Variants in SEC14L5 observed in about 807,000 individuals in gnomAD.
SEC14L5 encodes SEC14-like protein 5.
A neutral mutation model predicts 84.6 loss-of-function variants in SEC14L5; 96 were observed. The ratio of observed to expected loss-of-function variants is 1.13; its 90% CI spans 0.96 to 1.34. The LOEUF (loss-of-function observed/expected upper bound fraction) is 1.34, where lower values mean the gene tolerates loss of function less well. Among genes scored for constraint, SEC14L5 ranks in the 40% most tolerant of loss-of-function variants. SEC14L5 has a pLI of 0.00. For missense variants in SEC14L5, 1,224 were observed against 942.5 expected (o/e 1.30, Z -3.91); for synonymous variants, 546 against 383.4 (o/e 1.42, Z -4.95).
chr16:4,972,264 A>G (rs943512453), intron 2 of SEC14L5, among the ~76,000 whole-genome samples: 2 of 152,064 alleles, frequency 1.3e-5, no homozygotes, highest in Non-Finnish European at 2.9e-5. Flanking sequence ...TGGCCTCCCA[A>G]TGTGCTGGGA....
At chr16:4,973,287 T>A (rs4786572) in intron 2 of SEC14L5, among the ~76,000 whole-genome samples, 41,212 of 152,164 alleles carry the variant, frequency 0.27, 5,765 homozygotes, top group Admixed American at 0.33. Context: ...TGACCCTGTG[T>A]CTCCATCTCA....
chr16:5,001,027 G>C (rs551580918), intron 10 of SEC14L5, 102 bp downstream of exon 10: 3 of 905,022 alleles, frequency 3.3e-6, no homozygotes, highest in Non-Finnish European at 5.3e-6. Context: ...CGTGCCAGGG[G>C]CTTCATTCTC....
chr16:4,972,642 C>A (rs1017571744), intron 2 of SEC14L5, among the ~76,000 whole-genome samples: 1 of 152,334 alleles, frequency 6.6e-6, no homozygotes, highest in Middle Eastern at 3.4e-3. Flanking sequence ...CAGGTTCAGC[C>A]GTGTCGTGGC....
chr16:4,960,547 C>G (rs761881519), intron 2 of SEC14L5: 2 of 152,170 alleles, frequency 1.3e-5, no homozygotes, highest in Non-Finnish European at 2.9e-5. Context: ...AAAGCATCAC[C>G]AAAATCATCC....
At position 5,011,329 on chromosome 16, in the gene SEC14L5, A is replaced by G; in HGVS notation, c.1979+56A>G. ...AGGAAGGACCCTGGGGCTGATTGAC[A>G]ATGCAGATGCCTGGCCTCCTGTCTC... is the stretch of plus-strand genomic sequence containing the variant. On this transcript the variant is annotated intron_variant, in intron 15 of 15. Coordinates refer to ENST00000251170, the MANE Select transcript of SEC14L5 (RefSeq NM_014692.2). 3 of 1,539,222 alleles carry G rather than the reference A, an allele frequency of 1.9e-6. No individual in the cohort carries two copies. In the South Asian group the frequency reaches 3.5e-5, roughly 18 times the overall value.
chr16:4,978,142 C>T (rs574216782), intron 2 of SEC14L5, among the ~76,000 whole-genome samples: 67 of 111,812 alleles, frequency 6.0e-4, no homozygotes, highest in South Asian at 3.9e-4. Flanking sequence ...TGGCCGGGCG[C>T]GGTGGCTCAC....
At chr16:4,992,601 TGC>T (rs1955564234) in intron 6 of SEC14L5, among the ~76,000 whole-genome samples, 1 of 152,238 alleles carries the variant, frequency 6.6e-6, no homozygotes, top group African/African-American at 2.4e-5. Flanking sequence ...GCCTTGACAT[TGC>T]CTCTTTCTCT....
intron 2 of SEC14L5, among the ~76,000 whole-genome samples, chr16:4,974,166 G>C (rs1050214446): frequency 6.6e-5 from 10 of 152,066 alleles, no homozygotes; most frequent in African/African-American, 2.4e-4. Flanking sequence ...ATAGGTATTG[G>C]TGATGGTTTT....
rs961658060 is a variant in SEC14L5 at position 4,991,784 on chromosome 16, AC to A, written c.475-48del. 2.8e-5 allele frequency: 36 copies of A among 1,292,062 alleles called. No individual in the cohort carries two copies. The East Asian group carries it at 6.7e-4, about 24-fold the overall frequency. The allele number at this position is 1,292,062 out of a possible 1,614,324, so 80.0% of individuals were successfully genotyped here. On this transcript the variant is annotated intron_variant, in intron 5 of 15. Coordinates refer to ENST00000251170, the MANE Select transcript of SEC14L5 (RefSeq NM_014692.2). ...GGTGACTCCCTGTGGTGATCCTGTG[AC>A]CCCCCTCCATCCTGCCCCGTGCTCA...
chr16:4,979,934 C>T (rs143986244), intron 2 of SEC14L5, among the ~76,000 whole-genome samples: 169 of 152,348 alleles, frequency 1.1e-3, no homozygotes, highest in African/African-American at 3.9e-3. Context: ...TTGCGAGTTA[C>T]AGGCCAGTGG....
chr16:4,997,265 A>AT (rs1446907760), intron 8 of SEC14L5, among the ~76,000 whole-genome samples: 1 of 152,100 alleles, frequency 6.6e-6, no homozygotes, highest in Non-Finnish European at 1.5e-5. Flanking sequence ...CAGCTGGCTA[A>AT]TTTTTTGTAT....
At chr16:4,965,060 A>G (rs912652318) in intron 2 of SEC14L5, among the ~76,000 whole-genome samples, 2 of 152,126 alleles carry the variant, frequency 1.3e-5, no homozygotes, top group Non-Finnish European at 2.9e-5. Context: ...AAACTACCTC[A>G]TTCAGGTGTG....
chr16:4,987,547 C>G lies in SEC14L5; in HGVS notation c.64-10C>G. ...CCCACCACGGCCGCTCACTGCCGCT[C>G]TGCCCCCAGGCCTACGAGAAGCGTT... is the stretch of plus-strand genomic sequence containing the variant. On this transcript the variant is annotated splice_polypyrimidine_tract_variant and intron_variant, in intron 2 of 15. Transcript: ENST00000251170. 9.7e-6 allele frequency: 15 copies of G among 1,544,008 alleles called. No individual in the cohort carries two copies. The highest frequency in any genetic ancestry group is 1.3e-5 in the Non-Finnish European group (15 of 1,144,882).
intron 2 of SEC14L5, 101 bp from the exon 3 acceptor site, chr16:4,987,456 T>G: frequency 9.5e-7 from 1 of 1,053,320 alleles, no homozygotes; most frequent in Non-Finnish European, 1.3e-6. Flanking sequence ...AGGGCTGCCT[T>G]TCCCGTCTGA....
At chr16:5,003,359 G>A in intron 10 of SEC14L5, 43 bp from the exon 11 acceptor site, 1 of 1,549,630 alleles carries the variant, frequency 6.5e-7, no homozygotes, top group Non-Finnish European at 8.9e-7. Context: ...GTGGCCTTGG[G>A]AGGCAGCAGA....
intron 6 of SEC14L5, among the ~76,000 whole-genome samples, chr16:4,994,197 G>A (rs1038953703): frequency 1.3e-5 from 2 of 152,126 alleles, no homozygotes; most frequent in African/African-American, 2.4e-5. Flanking sequence ...CTAGCCATGT[G>A]TAAGATGTGT....
intron 6 of SEC14L5, among the ~76,000 whole-genome samples, chr16:4,993,281 A>C (rs1955572114): frequency 6.6e-6 from 1 of 152,172 alleles, no homozygotes; most frequent in Admixed American, 6.5e-5. Context: ...TCACTGTGTC[A>C]CCCAGGCTGG....
intron 2 of SEC14L5, among the ~76,000 whole-genome samples, chr16:4,985,076 A>G (rs1184228189): frequency 6.6e-6 from 1 of 152,140 alleles, no homozygotes; most frequent in Non-Finnish European, 1.5e-5. Context: ...GATGATATCC[A>G]GTTTATTTTT....
chr16:4,981,508 G>GCA (rs1360125098), intron 2 of SEC14L5, among the ~76,000 whole-genome samples: 2 of 152,072 alleles, frequency 1.3e-5, no homozygotes, highest in African/African-American at 4.8e-5. Flanking sequence ...AGAAGGTCAG[G>GCA]GGTGGTGTGG....
Sources: gnomAD v4.1 joint callset for allele counts (sites outside exome capture counted in the v4.1 genomes callset) on GRCh38, gnomAD v4.1.1 for gene constraint, MANE v1.5 for transcripts, NCBI Gene and HGNC (gene_info 2026-07-23, HGNC 2026-07-21) for gene names.